Variants in FAM120B observed in about 807,000 individuals in gnomAD.
FAM120B encodes constitutive coactivator of peroxisome proliferator-activated receptor gamma.
A neutral mutation model predicts 96.3 loss-of-function variants in FAM120B; 83 were observed. The ratio of observed to expected loss-of-function variants is 0.86; its 90% CI spans 0.72 to 1.03. FAM120B has a LOEUF of 1.03. Ranked by LOEUF, FAM120B falls within the 50% of genes least tolerant of loss-of-function variation. The probability of loss-of-function intolerance (pLI) is 0.00; values close to 1 mark genes in which losing one functional copy is unlikely to be tolerated. For synonymous variants in FAM120B, 407 were observed against 402.7 expected, an observed-to-expected ratio of 1.01 and a Z score of -0.13; for missense variants, 1,027 against 1,121.2, an observed-to-expected ratio of 0.92 and a Z score of 1.20.
Position 170,354,423 on chromosome 6 carries a change from G to T in FAM120B, c.2191-3803G>T, listed in dbSNP as rs376523164. ...AACAAAAGCAAAAATTGACAAATGG[G>T]ATCTAATTAAAGAGCTTCTGCACAA... On this transcript the variant is annotated intron_variant, in intron 5 of 10. Transcript: ENST00000476287. Among the ~76,000 whole-genome samples, 41 of 152,226 alleles carry T rather than the reference G, an allele frequency of 2.7e-4. No homozygotes were observed. In the East Asian group the frequency reaches 5.8e-3, roughly 22 times the overall value.
chr6:170,385,495 A>G (rs1790134385), intron 6 of FAM120B, among the ~76,000 whole-genome samples: 1 of 152,224 alleles, frequency 6.6e-6, no homozygotes. Context: ...TAGGAAACAA[A>G]TGGAGAATAG....
At chr6:170,290,929 G>A (rs1368731229), upstream of FAM120B, 1 of 698,092 alleles carries the variant, frequency 1.4e-6, no homozygotes, top group Admixed American at 2.0e-5. This position sits in a 1 kb window ranked among gnomAD's most constrained non-coding sequence, Gnocchi z 4.7. Flanking sequence ...CAGAGGATCT[G>A]GCTCTCGCCG....
chr6:170,380,968 A>G (rs1789869569), intron 6 of FAM120B, among the ~76,000 whole-genome samples: 1 of 152,240 alleles, frequency 6.6e-6, no homozygotes, highest in East Asian at 1.9e-4. Flanking sequence ...TAGAAGACTG[A>G]GATAATTTGG....
At chr6:170,316,058 CAAAAAAAAAAAAAA>C (rs35344814) in intron 1 of FAM120B, among the ~76,000 whole-genome samples, 2 of 91,856 alleles carry the variant, frequency 2.2e-5, no homozygotes, top group African/African-American at 9.1e-5. Context: ...GACCCGGTCT[CAAAAAAAAAAAAAA>C]AAAAAAAAAA....
intron 4 of FAM120B, among the ~76,000 whole-genome samples, chr6:170,341,808 A>G (rs773185201): frequency 1.2e-4 from 18 of 152,164 alleles, no homozygotes; most frequent in Non-Finnish European, 2.4e-4. Context: ...CATGGGCTGA[A>G]CCAATGCCTA....
rs556572170 is a variant in FAM120B, at chr6:170,387,487, CTTTCCA to C, written c.2284-798_2284-793del. 1.2e-3 allele frequency among the ~76,000 whole-genome samples: 186 copies of C among 152,318 alleles called. 1 individual carries two copies. The highest frequency in any genetic ancestry group is 4.2e-3 in the African/African-American group (175 of 41,572). ...GGACACTCGCTAGATATCGGTATCA[CTTTCCA>C]TGGGGCCAGTGTCAGCCAGGAGGTA... On this transcript the variant is annotated intron_variant, in intron 6 of 10. Coordinates refer to ENST00000476287, the MANE Select transcript of FAM120B (RefSeq NM_032448.3).
chr6:170,291,644 G>A (rs551666505), upstream of FAM120B, among the ~76,000 whole-genome samples: 17 of 152,308 alleles, frequency 1.1e-4, no homozygotes, highest in East Asian at 2.9e-3. Context: ...TCCGAGGCGG[G>A]GACACCTCCT....
At chr6:170,386,655 G>A (rs1377965308) in intron 6 of FAM120B, among the ~76,000 whole-genome samples, 2 of 152,200 alleles carry the variant, frequency 1.3e-5, no homozygotes, top group African/African-American at 4.8e-5. Context: ...GCTTCCCTGT[G>A]AGTTTTTCCA....
chr6:170,339,142 C>G (rs1458134012), intron 4 of FAM120B, among the ~76,000 whole-genome samples: 2 of 152,090 alleles, frequency 1.3e-5, no homozygotes, highest in Non-Finnish European at 2.9e-5. Flanking sequence ...TTTGCAGTGG[C>G]TGGTACCAGT....
chr6:170,385,512 G>GT (rs1477714190), intron 6 of FAM120B, among the ~76,000 whole-genome samples: 3 of 152,152 alleles, frequency 2.0e-5, no homozygotes, highest in African/African-American at 2.4e-5. Flanking sequence ...ATAGAGAAAG[G>GT]TTTTTTTTAT....
At chr6:170,371,510 G>C (rs1789186771) in intron 6 of FAM120B, among the ~76,000 whole-genome samples, 1 of 152,026 alleles carries the variant, frequency 6.6e-6, no homozygotes, top group South Asian at 2.1e-4. Context: ...CTGTTTTTTT[G>C]ATATGTACCT....
chr6:170,352,908 G>A (rs1439632983), intron 5 of FAM120B, among the ~76,000 whole-genome samples: 1 of 151,516 alleles, frequency 6.6e-6, no homozygotes, highest in Non-Finnish European at 1.5e-5. Context: ...GAAGGAGATA[G>A]AGACACAAAA....
At chr6:170,388,197 C>T (rs1403948206) in intron 6 of FAM120B, 90 bp from the exon 7 acceptor site, 27 of 1,106,000 alleles carry the variant, frequency 2.4e-5, no homozygotes, top group Non-Finnish European at 3.1e-5. Flanking sequence ...AGCATCCGTT[C>T]TGAGCAGAGT....
intron 4 of FAM120B, among the ~76,000 whole-genome samples, chr6:170,334,574 G>A (rs953079152): frequency 6.7e-6 from 1 of 150,112 alleles, no homozygotes; most frequent in East Asian, 2.0e-4. Context: ...GTGTGTGTGT[G>A]CACATGCCCT....
chr6:170,392,277 G>A (rs937501131), intron 8 of FAM120B, among the ~76,000 whole-genome samples: 2 of 151,924 alleles, frequency 1.3e-5, no homozygotes, highest in Non-Finnish European at 1.5e-5. Context: ...GCTCGATCTC[G>A]GCTCACTGCA....
chr6:170,373,827 A>G (rs962746492), intron 6 of FAM120B, among the ~76,000 whole-genome samples: 2 of 152,172 alleles, frequency 1.3e-5, no homozygotes, highest in Non-Finnish European at 2.9e-5. Flanking sequence ...TGTCTCCCAG[A>G]CCTCCAGAAG....
chr6:170,331,064 A>G (rs1039505192), intron 4 of FAM120B, among the ~76,000 whole-genome samples: 1 of 152,240 alleles, frequency 6.6e-6, no homozygotes, highest in Non-Finnish European at 1.5e-5. Flanking sequence ...TTCATGAGCA[A>G]TATCTTAAAG....
chr6:170,404,313 G>T, intron 9 of FAM120B: 1 of 502,834 alleles, frequency 2.0e-6, no homozygotes, highest in African/African-American at 2.0e-5. Context: ...GGTGTGAAGA[G>T]GAACAACTTT....
At chr6:170,360,161 GAGTCTGA>G (rs1235809043) in intron 6 of FAM120B, among the ~76,000 whole-genome samples, 4 of 152,218 alleles carry the variant, frequency 2.6e-5, no homozygotes, top group Middle Eastern at 6.3e-3. Flanking sequence ...CATAGCACTG[GAGTCTGA>G]GAGTCACACA....
Sources: allele counts gnomAD v4.1 joint callset (sites outside exome capture counted in the v4.1 genomes callset), GRCh38; gene constraint gnomAD v4.1.1; non-coding constraint Gnocchi (gnomAD v3.1); transcripts MANE v1.5; gene names NCBI Gene and HGNC (gene_info 2026-07-23, HGNC 2026-07-21).